SNX29: variants seen among roughly 807,000 people sequenced by gnomAD.
SNX29 encodes the protein sorting nexin-29.
A neutral mutation model predicts 102.1 loss-of-function variants in SNX29; 78 were observed. The ratio of observed to expected loss-of-function variants is 0.76; its 90% CI spans 0.64 to 0.92. The LOEUF (loss-of-function observed/expected upper bound fraction) is 0.92, where lower values mean the gene tolerates loss of function less well. SNX29 is among the 40% of genes least tolerant of loss of function. SNX29 has a pLI of 0.00. For missense variants in SNX29, 1,280 were observed against 1,061.7 expected (o/e 1.21, Z -2.86); for synonymous variants, 580 against 414.5 (o/e 1.40, Z -4.85).
chr16:12,471,648 G>C (rs553097832), intron 18 of SNX29, among the ~76,000 whole-genome samples: 3 of 152,242 alleles, frequency 2.0e-5, no homozygotes, highest in Non-Finnish European at 2.9e-5. Flanking sequence ...TGCCCCACAA[G>C]TTAGGGTGAA....
At chr16:12,520,836 C>G (rs756502780) in intron 19 of SNX29, among the ~76,000 whole-genome samples, 1 of 152,110 alleles carries the variant, frequency 6.6e-6, no homozygotes, top group Non-Finnish European at 1.5e-5. Context: ...GATAAATGAC[C>G]GCATATTTGA....
intron 19 of SNX29, among the ~76,000 whole-genome samples, chr16:12,513,573 A>G (rs17818107): frequency 0.17 from 25,407 of 152,108 alleles, 2,245 homozygotes; most frequent in South Asian, 0.29. Flanking sequence ...AAAAGGCCTG[A>G]TGAACAAGCT....
chr16:12,198,218 A>C (rs1567302437), intron 13 of SNX29, among the ~76,000 whole-genome samples: 1 of 152,172 alleles, frequency 6.6e-6, no homozygotes, highest in East Asian at 1.9e-4. Context: ...TTACCATGGG[A>C]AAGTGTTGAG....
At chr16:12,552,209 C>T (rs1164590490) in intron 20 of SNX29, among the ~76,000 whole-genome samples, 1 of 152,134 alleles carries the variant, frequency 6.6e-6, no homozygotes, top group Non-Finnish European at 1.5e-5. Context: ...CAGGGGAGGG[C>T]CGTGGAGTCA....
At chr16:12,158,348 C>T (rs1174283507) in intron 13 of SNX29, among the ~76,000 whole-genome samples, 1 of 152,048 alleles carries the variant, frequency 6.6e-6, no homozygotes, top group African/African-American at 2.4e-5. Flanking sequence ...TACAGACGTG[C>T]GCCACCACAC....
At chr16:11,981,250 A>G (rs1246037505) in intron 1 of SNX29, among the ~76,000 whole-genome samples, 1 of 151,592 alleles carries the variant, frequency 6.6e-6, no homozygotes, top group Non-Finnish European at 1.5e-5. Flanking sequence ...GATTACAGGC[A>G]TGAGCCACCG....
chr16:12,241,327 T>G (rs570916367), intron 14 of SNX29, among the ~76,000 whole-genome samples: 1 of 152,280 alleles, frequency 6.6e-6, no homozygotes, highest in Admixed American at 6.5e-5. Context: ...AATCACTGTT[T>G]TACGTTAAAA....
At chr16:12,094,641 A>T (rs2052694961) in intron 11 of SNX29, among the ~76,000 whole-genome samples, 1 of 152,112 alleles carries the variant, frequency 6.6e-6, no homozygotes, top group African/African-American at 2.4e-5. Context: ...CATGTCTGGG[A>T]CATATATGGT....
intron 10 of SNX29, among the ~76,000 whole-genome samples, chr16:12,076,119 C>T (rs953004952): frequency 2.0e-5 from 3 of 152,162 alleles, no homozygotes; most frequent in Non-Finnish European, 2.9e-5. Flanking sequence ...TTGCGCTTCC[C>T]GAGTGAGGCA....
At chr16:12,053,315 A>G (rs2050384549) in intron 8 of SNX29, 1 of 151,392 alleles carries the variant, frequency 6.6e-6, no homozygotes, top group Admixed American at 6.6e-5. Flanking sequence ...AGTCCCCCAA[A>G]TACCCCAAAT....
intron 18 of SNX29, among the ~76,000 whole-genome samples, chr16:12,461,657 A>T (rs6498302): frequency 0.014 from 2,063 of 151,956 alleles, 50 homozygotes; most frequent in East Asian, 0.046. Context: ...ATTTTTTATG[A>T]TAGAAAATAT....
rs541948688 is a variant in SNX29, at chr16:12,433,234, G to A, written c.2037+29705G>A. ...CACCTTGAAAACAGAGAAAAGAAATGTCTTGAGGGGAGATAATGTCGATGT... is the reference window on the plus strand; with the variant it reads ...CACCTTGAAAACAGAGAAAAGAAATATCTTGAGGGGAGATAATGTCGATGT... On this transcript the variant is annotated intron_variant, in intron 18 of 20. Coordinates refer to ENST00000566228, the MANE Select transcript of SNX29 (RefSeq NM_032167.5). 9.0e-4 allele frequency among the ~76,000 whole-genome samples: 137 copies of A among 152,292 alleles called. 1 individual carries two copies. The highest frequency in any genetic ancestry group is 3.0e-3 in the African/African-American group (124 of 41,558).
chr16:12,335,735 TCTTTATGTG>T (rs2081427821), intron 15 of SNX29, among the ~76,000 whole-genome samples: 1 of 152,174 alleles, frequency 6.6e-6, no homozygotes, highest in Admixed American at 6.5e-5. Flanking sequence ...TCTTTGCATT[TCTTTATGTG>T]CTAGACAGTG....
At chr16:12,275,592 G>A (rs377422069) in intron 14 of SNX29, among the ~76,000 whole-genome samples, 10 of 151,750 alleles carry the variant, frequency 6.6e-5, no homozygotes, top group African/African-American at 2.4e-4. Flanking sequence ...ATCCATGTCT[G>A]TTTAGGAATG....
chr16:12,082,084 C>G (rs143117167), intron 11 of SNX29, among the ~76,000 whole-genome samples: 1 of 152,204 alleles, frequency 6.6e-6, no homozygotes, highest in Non-Finnish European at 1.5e-5. Context: ...AACGCCACAT[C>G]GCTTCCCAGC....
intron 1 of SNX29, among the ~76,000 whole-genome samples, chr16:11,978,588 T>G (rs1310039233): frequency 6.6e-6 from 1 of 152,192 alleles, no homozygotes; most frequent in African/African-American, 2.4e-5. Context: ...GTGGGGTTGT[T>G]TTTGCCTAGT....
chr16:12,111,475 C>A (rs972599155), intron 11 of SNX29, among the ~76,000 whole-genome samples: 9 of 152,190 alleles, frequency 5.9e-5, no homozygotes, highest in Admixed American at 5.9e-4. Flanking sequence ...GAGGCAGGCT[C>A]CTCCTTCCCT....
At chr16:12,560,142 C>G (rs1326172799) in intron 20 of SNX29, among the ~76,000 whole-genome samples, 3 of 47,644 alleles carry the variant, frequency 6.3e-5, no homozygotes, top group African/African-American at 1.3e-4. Flanking sequence ...CCCTCCCCCC[C>G]CCAACAAACA....
rs1036755361 is a variant in SNX29, at chr16:12,568,841, G to A, written c.*212G>A. ...ACCCGAGAGACCAAGGCAGCACCTCGCTGGAGAGACTGGGACACACAGTCC... is the reference window on the plus strand; with the variant it reads ...ACCCGAGAGACCAAGGCAGCACCTCACTGGAGAGACTGGGACACACAGTCC... On this transcript the variant is annotated 3_prime_UTR_variant, in exon 21 of 21. Coordinates refer to ENST00000566228, the MANE Select transcript of SNX29 (RefSeq NM_032167.5). 5.7e-5 allele frequency: 41 copies of A among 723,902 alleles called. No individual in the cohort carries two copies. Among genetic ancestry groups the A allele is most frequent in the African/African-American group, 1.3e-4 (7 of 55,822 alleles). The allele number at this position is 723,902 out of a possible 1,614,324, so 44.8% of individuals were successfully genotyped here.
Sources: allele counts gnomAD v4.1 joint callset (sites outside exome capture counted in the v4.1 genomes callset), GRCh38; gene constraint gnomAD v4.1.1; transcripts MANE v1.5; gene names NCBI Gene and HGNC (gene_info 2026-07-23, HGNC 2026-07-21).